Variants in CPAP observed in about 807,000 individuals in gnomAD.
CPAP encodes the protein centrosome assembly and centriole elongation protein.
the CPAP span, among the ~76,000 whole-genome samples, chr13:24,890,969 TA>T: frequency 4.7e-5 from 7 of 149,824 alleles, no homozygotes; most frequent in South Asian, 2.1e-4. Context: ...TTTACCGTCT[TA>T]AAAAAAAAAT....
the CPAP span, chr13:24,884,260 A>C: frequency 6.2e-7 from 1 of 1,614,058 alleles, no homozygotes; most frequent in Non-Finnish European, 8.5e-7. Flanking sequence ...AAAGACACAC[A>C]GTCAGTCTGC....
At chr13:24,929,904 T>A in the CPAP span, among the ~76,000 whole-genome samples, 1 of 145,572 alleles carries the variant, frequency 6.9e-6, no homozygotes, top group Non-Finnish European at 1.5e-5. Flanking sequence ...CTTGTGAATT[T>A]TTTTTTTTTT....
chr13:24,913,613 C>T, the CPAP span, among the ~76,000 whole-genome samples: 2 of 152,228 alleles, frequency 1.3e-5, no homozygotes, highest in African/African-American at 4.8e-5. Flanking sequence ...AGCCCCTCAT[C>T]TGTATTCCTA....
chr13:24,885,498 A>G, the CPAP span: 15 of 1,172,726 alleles, frequency 1.3e-5, no homozygotes, highest in Non-Finnish European at 5.1e-6. Context: ...TATAATGTTA[A>G]GTAAAAACTC....
At chr13:24,914,640 T>C in the CPAP span, among the ~76,000 whole-genome samples, 1 of 152,142 alleles carries the variant, frequency 6.6e-6, no homozygotes, top group Non-Finnish European at 1.5e-5. Context: ...CACACTCCTT[T>C]TCTAGACCAT....
chr13:24,899,321 T>G, the CPAP span: 5 of 865,942 alleles, frequency 5.8e-6, no homozygotes, highest in Admixed American at 9.7e-5. Flanking sequence ...AATGGATTGA[T>G]ACACAGTTTT....
At chr13:24,917,717 A>G in the CPAP span, among the ~76,000 whole-genome samples, 1 of 152,342 alleles carries the variant, frequency 6.6e-6, no homozygotes, top group South Asian at 2.1e-4. Flanking sequence ...CTGCTGCTAT[A>G]AAGAATACCA....
the CPAP span, among the ~76,000 whole-genome samples, chr13:24,907,612 CAACT>C: frequency 6.6e-6 from 1 of 150,704 alleles, no homozygotes; most frequent in Non-Finnish European, 1.5e-5. Flanking sequence ...TTAAAATAAT[CAACT>C]TACTTAAAAT....
the CPAP span, chr13:24,899,627 A>C: frequency 3.3e-6 from 5 of 1,532,328 alleles, no homozygotes; most frequent in Non-Finnish European, 4.5e-6. Context: ...AGACCATCTC[A>C]GTGCAGTGAT....
chr13:24,914,056 G>A, the CPAP span, among the ~76,000 whole-genome samples: 4 of 151,808 alleles, frequency 2.6e-5, no homozygotes, highest in Middle Eastern at 3.4e-3. Flanking sequence ...ACACACACAC[G>A]CACACACACA....
the CPAP span, among the ~76,000 whole-genome samples, chr13:24,896,696 C>A: frequency 6.6e-6 from 1 of 152,172 alleles, no homozygotes; most frequent in Non-Finnish European, 1.5e-5. Context: ...AGGATCAGAG[C>A]TATGAGAAAG....
the CPAP span, chr13:24,911,826 C>T: frequency 3.2e-6 from 4 of 1,233,930 alleles, no homozygotes; most frequent in Admixed American, 6.9e-5. Flanking sequence ...ATTTATCGGG[C>T]TAGCCTTTAA....
At chr13:24,883,093 A>ATAAAT in the CPAP span, 1 of 1,240,446 alleles carries the variant, frequency 8.1e-7, no homozygotes, top group African/African-American at 1.5e-5. Flanking sequence ...CACATACACA[A>ATAAAT]TAAATTAAAC....
the CPAP span, among the ~76,000 whole-genome samples, chr13:24,908,613 T>TAAAAG: frequency 0.83 from 124,919 of 151,370 alleles, 51,701 homozygotes; most frequent in East Asian, 0.9. Context: ...TAAAATAAAA[T>TAAAAG]AAAGACACTT....
At chr13:24,901,410 T>G in the CPAP span, among the ~76,000 whole-genome samples, 1 of 152,198 alleles carries the variant, frequency 6.6e-6, no homozygotes, top group Non-Finnish European at 1.5e-5. Context: ...TTTGAAAGAC[T>G]GCTAACGCTC....
At chr13:24,917,730 G>A in the CPAP span, among the ~76,000 whole-genome samples, 34 of 152,166 alleles carry the variant, frequency 2.2e-4, no homozygotes, top group African/African-American at 6.8e-4. Context: ...GAATACCAGA[G>A]AAGAGACTAG....
the CPAP span, among the ~76,000 whole-genome samples, chr13:24,926,440 G>A: frequency 5.9e-5 from 9 of 152,284 alleles, no homozygotes; most frequent in South Asian, 1.2e-3. Context: ...GAGCAAGTGA[G>A]GGGAAATCTT....
chr13:24,884,682 C>T, the CPAP span, among the ~76,000 whole-genome samples: 54 of 152,288 alleles, frequency 3.5e-4, no homozygotes, highest in African/African-American at 1.2e-3. Context: ...AGAAAACCTT[C>T]CCTTATCAAC....
the CPAP span, among the ~76,000 whole-genome samples, chr13:24,908,542 A>G: frequency 6.6e-6 from 1 of 151,884 alleles, no homozygotes; most frequent in Non-Finnish European, 1.5e-5. Context: ...GCAGTAAGCC[A>G]AGATGGTGCC....
Sources: allele counts gnomAD v4.1 joint callset (sites outside exome capture counted in the v4.1 genomes callset), GRCh38; gene constraint gnomAD v4.1.1; transcripts MANE v1.5; gene names NCBI Gene and HGNC (gene_info 2026-07-23, HGNC 2026-07-21).